KRT78: variants seen among roughly 807,000 people sequenced by gnomAD.
KRT78 encodes the protein keratin, type II cytoskeletal 78.
Under a neutral mutation model 51.4 loss-of-function variants are expected in KRT78, and 55 were observed. That is an observed-to-expected ratio of 1.07 (90% CI 0.86 to 1.34). The LOEUF (loss-of-function observed/expected upper bound fraction) is 1.34. KRT78 is among the 40% of genes most tolerant of loss of function. KRT78 has a pLI of 0.00. For synonymous variants in KRT78, 291 were observed against 264.3 expected (o/e 1.10, Z -0.98); for missense variants, 652 against 649.4 (o/e 1.00, Z -0.04).
chr12:52,847,447 C>A (rs1940668789), intron 2 of KRT78, among the ~76,000 whole-genome samples: 2 of 152,226 alleles, frequency 1.3e-5, no homozygotes, highest in Admixed American at 6.5e-5. Flanking sequence ...GAGCCCAGAA[C>A]CACAGCCCAT....
intron 4 of KRT78, 169 bp downstream of exon 4, chr12:52,846,028 G>GCAATTCA: frequency 1.7e-6 from 1 of 599,484 alleles, no homozygotes; most frequent in Non-Finnish European, 3.0e-6. Context: ...CCAGGACCTA[G>GCAATTCA]CAATTCACAT....
chr12:52,842,620 TAAG>T (rs1308831561), intron 6 of KRT78, among the ~76,000 whole-genome samples: 4 of 151,798 alleles, frequency 2.6e-5, no homozygotes, highest in African/African-American at 9.7e-5. Flanking sequence ...AAAGAAGAGA[TAAG>T]AAAAGAGATG....
intron 6 of KRT78, among the ~76,000 whole-genome samples, chr12:52,840,454 G>A (rs990731489): frequency 1.3e-5 from 2 of 152,094 alleles, no homozygotes; most frequent in Non-Finnish European, 2.9e-5. Flanking sequence ...TGTAATCCTA[G>A]CACTTTAGGA....
In KRT78 at chr12:52,839,316, T is replaced by G; in HGVS notation, c.1360A>C (p.Thr454Pro). ...SGGVGGGLGS[T>P]CGLGSGKGSP... ...CCTTTCCCACTACCGAGTCCACAAG[T>G]GCTCCCCAAGCCTCCACCAACTCCT... Residue 454 changes from threonine to proline, a missense_variant, in exon 9 of 9, where the codon ACT becomes CCT. Coordinates refer to ENST00000304620, the MANE Select transcript of KRT78 (RefSeq NM_173352.4). 1 of 1,613,650 alleles carries G rather than the reference T, an allele frequency of 6.2e-7. No individual in the cohort carries two copies. Among genetic ancestry groups the G allele is most frequent in the Non-Finnish European group, 8.5e-7 (1 of 1,179,866 alleles).
intron 7 of KRT78, 37 bp from the exon 8 acceptor site, chr12:52,839,524 A>G (rs1940431677): frequency 1.3e-6 from 2 of 1,532,122 alleles, no homozygotes; most frequent in East Asian, 2.4e-5. Flanking sequence ...TGCGCTAAGG[A>G]ATACTACAAA....
Position 52,844,550 on chromosome 12 carries a change from T to A in KRT78, c.921+9A>T, listed in dbSNP as rs753696818. 6.2e-7 allele frequency: 1 copy of A among 1,610,752 alleles called. No homozygotes were observed. Among genetic ancestry groups the A allele is most frequent in the Admixed American group, 1.7e-5 (1 of 59,670 alleles). Reference sequence around the variant, plus strand: ...TTCCAGCATGGTGCTGCCCCCCAGGTCCCACCACCTTGGTCTGGTACAAGG... The same window carrying A: ...TTCCAGCATGGTGCTGCCCCCCAGGACCCACCACCTTGGTCTGGTACAAGG... On this transcript the variant is annotated intron_variant, in intron 5 of 8. Coordinates refer to ENST00000304620, the MANE Select transcript of KRT78 (RefSeq NM_173352.4).
In KRT78 at chr12:52,838,742, C is replaced by T. The variant is rs933008798; in HGVS notation, c.*371G>A. ...ATGAGGAAGTGAGCTACAAGCACAG[C>T]TAAAACATCAGTGGAGTTGTGGGAG... On this transcript the variant is annotated 3_prime_UTR_variant, in exon 9 of 9. Coordinates refer to ENST00000304620, the MANE Select transcript of KRT78 (RefSeq NM_173352.4). 2 of 264,266 alleles carry T rather than the reference C, an allele frequency of 7.6e-6. No individual in the cohort carries two copies. Among genetic ancestry groups the T allele is most frequent in the African/African-American group, 4.4e-5 (2 of 45,844 alleles). 16.4% of individuals were successfully genotyped at this position (264,266 alleles called of 1,614,324 possible).
Position 52,839,495 on chromosome 12 carries a change from G to T in KRT78, c.1269-8C>A. 1 of 1,586,502 alleles carries T rather than the reference G, an allele frequency of 6.3e-7. No homozygotes were observed. Among genetic ancestry groups the T allele is most frequent in the South Asian group, 1.1e-5 (1 of 87,234 alleles). On this transcript the variant is annotated splice_region_variant and splice_polypyrimidine_tract_variant and intron_variant, in intron 7 of 8. Transcript: ENST00000304620. ...GTGCACTCCCCAGACATCCTAGGGGGAAAAGGACAAGAGGGGGATGCGCTA... is the reference window on the plus strand; with the variant it reads ...GTGCACTCCCCAGACATCCTAGGGGTAAAAGGACAAGAGGGGGATGCGCTA...
Position 52,848,092 on chromosome 12 carries a change from G to T in KRT78, c.414C>A (p.Val138=). ...KVRFLEQQNK[V]LETKWHLLQQ... Reference sequence around the variant, plus strand: ...GCAGCAGATGCCACTTCGTCTCCAGGACCTTGTTCTGCTGCTCCAGGAACC... The same window carrying T: ...GCAGCAGATGCCACTTCGTCTCCAGTACCTTGTTCTGCTGCTCCAGGAACC... The change falls in exon 2 of 9, where the codon GTC becomes GTA. Residue 138 remains valine (V), a synonymous_variant. Coordinates refer to ENST00000304620, the MANE Select transcript of KRT78 (RefSeq NM_173352.4). 1 of 1,614,116 alleles carries T rather than the reference G, an allele frequency of 6.2e-7. No individual in the cohort carries two copies. Among genetic ancestry groups the T allele is most frequent in the Non-Finnish European group, 8.5e-7 (1 of 1,180,022 alleles).
At chr12:52,842,959 G>GAGAGAGAGAGAGAGAAAGGAAGGA (rs1299063277) in intron 6 of KRT78, among the ~76,000 whole-genome samples, 2 of 53,724 alleles carry the variant, frequency 3.7e-5, no homozygotes, top group Admixed American at 2.1e-4. Context: ...GAGAGAGAGA[G>GAGAGAGAGAGAGAGAAAGGAAGGA]AGGAAGGAAG....
Position 52,839,878 on chromosome 12 carries a change from G to A in KRT78, c.1154C>T (p.Ala385Val). The change falls in exon 7 of 9, where the codon GCC (alanine) becomes GTC (valine). Residue 385 changes from alanine to valine, a missense_variant. By Grantham distance (64) the Ala-to-Val change is moderately conservative. Coordinates refer to ENST00000304620, the MANE Select transcript of KRT78 (RefSeq NM_173352.4). ...VDELEAALRM[A>V]KQNLARLLCE... ...CAGCAGCCGGGCCAGGTTCTGCTTGGCCATCCTCAGAGCAGCCTCCAGCTC... is the reference window on the plus strand; with the variant it reads ...CAGCAGCCGGGCCAGGTTCTGCTTGACCATCCTCAGAGCAGCCTCCAGCTC... The A allele has an allele frequency of 1.2e-6, 2 of 1,613,998 alleles. No individual in the cohort carries two copies. Among genetic ancestry groups the A allele is most frequent in the East Asian group, 4.5e-5 (2 of 44,848 alleles).
intron 6 of KRT78, among the ~76,000 whole-genome samples, chr12:52,842,718 G>A (rs1350176686): frequency 2.0e-5 from 3 of 151,872 alleles, no homozygotes; most frequent in African/African-American, 7.3e-5. Context: ...AGGAGTTCGA[G>A]ACCAGCTTGG....
intron 4 of KRT78, 29 bp downstream of exon 4, chr12:52,846,168 C>T: frequency 6.5e-7 from 1 of 1,529,834 alleles, no homozygotes; most frequent in Non-Finnish European, 9.0e-7. Context: ...TCTCTCTTGG[C>T]TGCAGCCTGC....
chr12:52,847,521 C>G (rs1437356053), intron 2 of KRT78, among the ~76,000 whole-genome samples: 1 of 152,210 alleles, frequency 6.6e-6, no homozygotes, highest in East Asian at 1.9e-4. Context: ...CTCTTTGGAA[C>G]CAGAGAACAT....
rs1300972435 is a variant in KRT78 at position 52,838,425 on chromosome 12, A to C, written c.*688T>G. ...GGGGTAGGGGCAGAGTTTGAACCCC[A>C]ATCTCCATCAGAGCCCCCAGGCACA... On this transcript the variant is annotated 3_prime_UTR_variant, in exon 9 of 9. Transcript: ENST00000304620. The C allele has an allele frequency of 6.5e-6, 1 of 152,740 alleles. No homozygotes were observed. The highest frequency in any genetic ancestry group is 6.5e-5 in the Admixed American group (1 of 15,320). 9.5% of individuals were successfully genotyped at this position (152,740 alleles called of 1,614,324 possible).
In KRT78 at chr12:52,847,927, C is replaced by A; in HGVS notation, c.579G>T (p.Gln193His). 6.2e-7 allele frequency: 1 copy of A among 1,614,190 alleles called. No homozygotes were observed. The highest frequency in any genetic ancestry group is 1.3e-5 in the African/African-American group (1 of 75,038). ...LDAELKACRD[Q>H]EEEYKSKYEE... ...CCTACTTGGACTTATACTCCTCCTC[C>A]TGGTCCCGGCAGGCCTTCAACTCAG... is the stretch of plus-strand genomic sequence containing the variant. Residue 193 changes from glutamine to histidine, a missense_variant, in exon 2 of 9, where the codon CAG becomes CAT. Physicochemically the swap from Gln to His is conservative, Grantham distance 24. Transcript: ENST00000304620.
intron 1 of KRT78, 39 bp downstream of exon 1, chr12:52,848,508 G>A (rs780117904): frequency 1.2e-6 from 2 of 1,605,396 alleles, no homozygotes; most frequent in South Asian, 1.1e-5. Context: ...TCCTCCAAGG[G>A]AGGCACAGAG....
intron 6 of KRT78, among the ~76,000 whole-genome samples, chr12:52,840,876 G>T (rs976958913): frequency 6.6e-6 from 1 of 152,166 alleles, no homozygotes. Context: ...AGACTTCAAG[G>T]CTCCAGGACT....
chr12:52,843,244 G>T (rs1940556584), intron 6 of KRT78, among the ~76,000 whole-genome samples: 1 of 151,502 alleles, frequency 6.6e-6, no homozygotes, highest in Non-Finnish European at 1.5e-5. Flanking sequence ...GTGAGTGCCT[G>T]TAATTCCAGC....
Sources: allele counts gnomAD v4.1 joint callset (sites outside exome capture counted in the v4.1 genomes callset), GRCh38; gene constraint gnomAD v4.1.1; transcripts MANE v1.5; gene names NCBI Gene and HGNC (gene_info 2026-07-23, HGNC 2026-07-21).